KCNH7: variants seen among roughly 807,000 people sequenced by gnomAD.
KCNH7 encodes the protein voltage-gated inwardly rectifying potassium channel KCNH7.
KCNH7 carries 49 observed loss-of-function variants against 120.8 expected under a neutral mutation model. That is an observed-to-expected ratio of 0.41 (90% CI 0.32 to 0.51). The LOEUF is 0.51. KCNH7 is among the 20% of genes least tolerant of loss of function. The pLI is 0.38. For synonymous variants in KCNH7, 547 were observed against 516.1 expected (o/e 1.06, Z -0.81); for missense variants, 1,097 against 1,446.6 (o/e 0.76, Z 3.92).
intron 6 of KCNH7, 31 bp downstream of exon 6, chr2:162,504,412 A>T (rs1281290781): frequency 6.7e-7 from 1 of 1,494,676 alleles, no homozygotes; most frequent in Non-Finnish European, 9.3e-7. Flanking sequence ...CCTCTAAAAC[A>T]GTTGAAATTG....
intron 2 of KCNH7, among the ~76,000 whole-genome samples, chr2:162,819,849 C>T (rs1464962487): frequency 2.0e-5 from 3 of 152,000 alleles, no homozygotes; most frequent in Non-Finnish European, 1.5e-5. Flanking sequence ...GAATGAAAGC[C>T]TATTTGCTGT....
chr2:162,406,879 T>C (rs1235574938), intron 9 of KCNH7, among the ~76,000 whole-genome samples: 1 of 152,016 alleles, frequency 6.6e-6, no homozygotes, highest in Non-Finnish European at 1.5e-5. Flanking sequence ...GGGTTAGCCA[T>C]TGAGAAATAG....
chr2:162,649,969 G>A (rs1574220571), intron 2 of KCNH7, among the ~76,000 whole-genome samples: 1 of 152,108 alleles, frequency 6.6e-6, no homozygotes, highest in Admixed American at 6.6e-5. Context: ...GCAAAGGAAT[G>A]CAGTAAAGAC....
intron 2 of KCNH7, among the ~76,000 whole-genome samples, chr2:162,615,278 A>G (rs1683106237): frequency 6.6e-6 from 1 of 152,186 alleles, no homozygotes; most frequent in Admixed American, 6.5e-5. Flanking sequence ...TGCCTCCCAC[A>G]TTGTAAACCA....
At chr2:162,628,466 G>C (rs1683636179) in intron 2 of KCNH7, among the ~76,000 whole-genome samples, 2 of 151,912 alleles carry the variant, frequency 1.3e-5, no homozygotes, top group African/African-American at 4.8e-5. Flanking sequence ...TTTTACTCAG[G>C]GGTACATAAG....
chr2:162,545,913 C>T (rs1379195416), intron 2 of KCNH7, among the ~76,000 whole-genome samples: 1 of 152,174 alleles, frequency 6.6e-6, no homozygotes, highest in Non-Finnish European at 1.5e-5. Flanking sequence ...TTGACTACCA[C>T]CCATTTTCAT....
chr2:162,827,156 A>G (rs960604140), intron 2 of KCNH7, among the ~76,000 whole-genome samples: 1 of 152,116 alleles, frequency 6.6e-6, no homozygotes, highest in African/African-American at 2.4e-5. Flanking sequence ...CATTTTAAAT[A>G]AACCAGACGC....
In KCNH7 at chr2:162,573,023, T is replaced by A. The variant is rs190778535; in HGVS notation, c.308-35943A>T. On this transcript the variant is annotated intron_variant, in intron 2 of 15. Transcript: ENST00000332142. Reference sequence around the variant, plus strand: ...GTAACTAACCTGCACATTGTGCTCATGTACCCTTAAACTTAAAGTATAATA... The same window carrying A: ...GTAACTAACCTGCACATTGTGCTCAAGTACCCTTAAACTTAAAGTATAATA... Among the ~76,000 whole-genome samples the A allele has an allele frequency of 9.4e-3, 1,433 of 152,178 alleles. 15 individuals are homozygous for A. Among genetic ancestry groups the A allele is most frequent in the Non-Finnish European group, 0.014 (945 of 68,004 alleles).
chr2:162,432,685 G>T (rs768735569), intron 8 of KCNH7, among the ~76,000 whole-genome samples: 6 of 151,842 alleles, frequency 4.0e-5, no homozygotes, highest in Non-Finnish European at 4.4e-5. Flanking sequence ...AAAGCAATCT[G>T]TTGCAAACCC....
At chr2:162,663,834 T>C (rs545066066) in intron 2 of KCNH7, among the ~76,000 whole-genome samples, 2 of 152,240 alleles carry the variant, frequency 1.3e-5, no homozygotes, top group East Asian at 1.9e-4. Flanking sequence ...TTGTTTTGAG[T>C]ATCAAGGAAA....
At chr2:162,460,709 T>C (rs1689118854) in intron 6 of KCNH7, among the ~76,000 whole-genome samples, 1 of 152,182 alleles carries the variant, frequency 6.6e-6, no homozygotes, top group Admixed American at 6.5e-5. Flanking sequence ...TTTTATCCTC[T>C]AGAACTGCTA....
rs368505693 is a variant in KCNH7, at chr2:162,517,631, C to T, written c.892+99G>A. On this transcript the variant is annotated intron_variant, in intron 4 of 15. Coordinates refer to ENST00000332142, the MANE Select transcript of KCNH7 (RefSeq NM_033272.4). Reference sequence around the variant, plus strand: ...ATAGCCTTTAATCACATTTCTTTCCCCAATGCACAGAGATTATTGTTGAAA... The same window carrying T: ...ATAGCCTTTAATCACATTTCTTTCCTCAATGCACAGAGATTATTGTTGAAA... 597 of 1,023,122 alleles carry T rather than the reference C, an allele frequency of 5.8e-4. 9 individuals carry two copies. The South Asian group carries it at 6.1e-3, about 11-fold the overall frequency. The allele number at this position is 1,023,122 out of a possible 1,614,324, so 63.4% of individuals were successfully genotyped here.
Position 162,396,752 on chromosome 2 carries a change from A to G in KCNH7, c.2601T>C (p.His867=). The change falls in exon 11 of 16, where the codon CAT becomes CAC. Residue 867 remains histidine, a synonymous_variant. Transcript: ENST00000332142. ...TNLELTFNLR[H]ESAKADLLRS... ...AGTTAACATATACCTTTGCGCTCTC[A>G]TGCCTTAGGTTGAAAGTCAACTCTA... The G allele has an allele frequency of 6.2e-7, 1 of 1,609,846 alleles. No individual in the cohort carries two copies. Among genetic ancestry groups the G allele is most frequent in the Non-Finnish European group, 8.5e-7 (1 of 1,177,208 alleles).
At chr2:162,620,263 A>G (rs1242532639) in intron 2 of KCNH7, among the ~76,000 whole-genome samples, 1 of 151,232 alleles carries the variant, frequency 6.6e-6, no homozygotes, top group Non-Finnish European at 1.5e-5. Context: ...AATTTTTCAT[A>G]TATATATGTA....
intron 2 of KCNH7, among the ~76,000 whole-genome samples, chr2:162,745,140 C>T (rs1233172048): frequency 6.6e-6 from 1 of 152,162 alleles, no homozygotes; most frequent in Admixed American, 6.6e-5. Context: ...TAATCCTTGA[C>T]TTTTTGTGAA....
chr2:162,470,759 T>C (rs1279399417), intron 6 of KCNH7, among the ~76,000 whole-genome samples: 2 of 152,170 alleles, frequency 1.3e-5, no homozygotes, highest in East Asian at 1.9e-4. Flanking sequence ...CAACGGCTCA[T>C]TGAGAACAGG....
chr2:162,667,011 T>C (rs1298643272), intron 2 of KCNH7, among the ~76,000 whole-genome samples: 1 of 141,284 alleles, frequency 7.1e-6, no homozygotes, highest in Non-Finnish European at 1.5e-5. Flanking sequence ...TATTCTTTTT[T>C]CTTTTTCTTT....
At chr2:162,658,620 G>A (rs950447720) in intron 2 of KCNH7, among the ~76,000 whole-genome samples, 16 of 152,022 alleles carry the variant, frequency 1.1e-4, no homozygotes, top group Admixed American at 6.6e-4. Context: ...GTTTCTCTTC[G>A]TTTATTTAGC....
intron 2 of KCNH7, among the ~76,000 whole-genome samples, chr2:162,773,773 A>C (rs1024378222): frequency 6.6e-6 from 1 of 152,220 alleles, no homozygotes; most frequent in East Asian, 1.9e-4. Context: ...ACTTAGGATA[A>C]ACCTTTTCTG....
Sources: gnomAD v4.1 joint callset for allele counts (sites outside exome capture counted in the v4.1 genomes callset) on GRCh38, gnomAD v4.1.1 for gene constraint, MANE v1.5 for transcripts, NCBI Gene and HGNC (gene_info 2026-07-23, HGNC 2026-07-21) for gene names.